CGNL1: variants seen among roughly 807,000 people sequenced by gnomAD.
CGNL1 encodes cingulin-like protein 1.
In CGNL1, 132 loss-of-function variants were observed where a neutral mutation model predicts 141.2. The ratio of observed to expected loss-of-function variants is 0.93; its 90% confidence interval spans 0.81 to 1.08. The LOEUF is 1.08. Among genes scored for constraint, CGNL1 ranks in the 50% least tolerant of loss-of-function variants. CGNL1 has a pLI of 0.00. For synonymous variants in CGNL1, 690 were observed against 622.1 expected, an observed-to-expected ratio of 1.11 and a Z score of -1.63; for missense variants, 1,870 against 1,588.6, an observed-to-expected ratio of 1.18 and a Z score of -3.01.
rs145322137 is a variant in CGNL1 at position 57,496,869 on chromosome 15, A to G, written c.2404-19911A>G. Among the ~76,000 whole-genome samples, 145 of 152,310 alleles carry G rather than the reference A, an allele frequency of 9.5e-4. 2 individuals carry two copies. In the East Asian group the frequency reaches 0.025, roughly 27 times the overall value. On this transcript the variant is annotated intron_variant, in intron 8 of 18. Transcript: ENST00000281282. ...CCATACATTCAAGACTTGGTAGCAC[A>G]GTGTCTGGCCACCAACAGATGGGTG... is the stretch of plus-strand genomic sequence containing the variant.
At chr15:57,429,334 G>C (rs2063016979) in intron 1 of CGNL1, among the ~76,000 whole-genome samples, 1 of 152,170 alleles carries the variant, frequency 6.6e-6, no homozygotes, top group South Asian at 2.1e-4. Flanking sequence ...TCATATGTCA[G>C]GGATGGCAAG....
intron 4 of CGNL1, among the ~76,000 whole-genome samples, chr15:57,450,026 C>T (rs2063302722): frequency 6.6e-6 from 1 of 152,206 alleles, no homozygotes; most frequent in Admixed American, 6.5e-5. Flanking sequence ...CGTTCACGTA[C>T]AGGTTTTTGT....
intron 12 of CGNL1, among the ~76,000 whole-genome samples, chr15:57,526,781 A>G (rs1020873044): frequency 6.6e-6 from 1 of 151,962 alleles, no homozygotes; most frequent in African/African-American, 2.4e-5. Context: ...CTCGTCAAGG[A>G]CTCTGAGTAT....
chr15:57,521,400 C>A (rs1365944203), intron 10 of CGNL1, among the ~76,000 whole-genome samples: 2 of 152,102 alleles, frequency 1.3e-5, no homozygotes, highest in Non-Finnish European at 2.9e-5. Context: ...AGTACAGACA[C>A]CCCATCCTTG....
At chr15:57,437,361 C>CT (rs1278894236) in intron 1 of CGNL1, among the ~76,000 whole-genome samples, 2 of 151,894 alleles carry the variant, frequency 1.3e-5, no homozygotes, top group African/African-American at 4.8e-5. Context: ...CAACTGATTC[C>CT]TTATGGTAAA....
intron 8 of CGNL1, among the ~76,000 whole-genome samples, chr15:57,463,457 C>A (rs1313726942): frequency 1.3e-5 from 2 of 152,196 alleles, no homozygotes; most frequent in African/African-American, 4.8e-5. Context: ...CCATATCAGT[C>A]TGTAAAAACG....
chr15:57,397,762 C>T (rs1305649505), intron 1 of CGNL1, among the ~76,000 whole-genome samples: 2 of 150,508 alleles, frequency 1.3e-5, no homozygotes, highest in Non-Finnish European at 1.5e-5. Context: ...TGAAGTGGAA[C>T]ACCTTGTACC....
chr15:57,469,299 G>A (rs185906067), intron 8 of CGNL1, among the ~76,000 whole-genome samples: 2 of 151,710 alleles, frequency 1.3e-5, no homozygotes, highest in Admixed American at 1.3e-4. Flanking sequence ...AAAGGCTAAT[G>A]AGTTCATCTT....
chr15:57,452,108 G>T, intron 5 of CGNL1, 33 bp from the exon 6 acceptor site: 1 of 1,600,970 alleles, frequency 6.2e-7, no homozygotes, highest in Non-Finnish European at 8.5e-7. Flanking sequence ...ATGTACAGTG[G>T]AGGCTCTTTA....
intron 8 of CGNL1, among the ~76,000 whole-genome samples, chr15:57,468,929 C>T (rs902451228): frequency 3.3e-5 from 5 of 152,196 alleles, no homozygotes; most frequent in African/African-American, 7.2e-5. Context: ...CCATCCAAGA[C>T]GGGACTTTTC....
intron 8 of CGNL1, among the ~76,000 whole-genome samples, chr15:57,495,057 T>A (rs2063918267): frequency 6.6e-6 from 1 of 152,216 alleles, no homozygotes; most frequent in Admixed American, 6.5e-5. Flanking sequence ...AAAATCTTTC[T>A]TTACATCCTT....
chr15:57,400,334 C>G (rs1490830026), intron 1 of CGNL1, among the ~76,000 whole-genome samples: 1 of 152,196 alleles, frequency 6.6e-6, no homozygotes, highest in Non-Finnish European at 1.5e-5. Flanking sequence ...TCTTCTGTCA[C>G]TTTCTGTAAC....
At chr15:57,397,656 A>G (rs2062616748) in intron 1 of CGNL1, among the ~76,000 whole-genome samples, 1 of 152,142 alleles carries the variant, frequency 6.6e-6, no homozygotes, top group Non-Finnish European at 1.5e-5. Flanking sequence ...ATTGTAGGGT[A>G]TAGATTATTT....
At chr15:57,499,333 G>T (rs1014468765) in intron 8 of CGNL1, among the ~76,000 whole-genome samples, 1 of 145,906 alleles carries the variant, frequency 6.9e-6, no homozygotes, top group Admixed American at 7.2e-5. Context: ...GCAACCTCTG[G>T]CTTCCAGGTT....
intron 1 of CGNL1, among the ~76,000 whole-genome samples, chr15:57,423,097 C>T (rs895484762): frequency 1.3e-5 from 2 of 152,058 alleles, no homozygotes; most frequent in Non-Finnish European, 2.9e-5. Flanking sequence ...ATGTTTTTGC[C>T]GGCATTCCCA....
intron 1 of CGNL1, chr15:57,402,809 A>T (rs2062674710): frequency 6.6e-6 from 1 of 152,140 alleles, no homozygotes; most frequent in African/African-American, 2.4e-5. Flanking sequence ...GCTTTAGATT[A>T]AGTTATTCAT....
In CGNL1 at chr15:57,516,930, A is replaced by T. The variant is rs2030855227; in HGVS notation, c.2554A>T (p.Ile852Phe). ...GAGAGTTGCTCAGCTTCAAAGGCAG[A>T]TCGAGGACCTGAAAGGCGATGAAGC... ...ERRVAQLQRQ[I>F]EDLKGDEAKA... Residue 852 changes from isoleucine to phenylalanine, a missense_variant, in exon 9 of 19, where the codon ATC becomes TTC. Ile to Phe is a conservative substitution (Grantham distance 21, BLOSUM62 0). Transcript: ENST00000281282. 2 of 1,614,096 alleles carry T rather than the reference A, an allele frequency of 1.2e-6. No individual in the cohort carries two copies. The highest frequency in any genetic ancestry group is 2.7e-5 in the African/African-American group (2 of 75,064).
At chr15:57,405,717 C>T (rs1185674079) in intron 1 of CGNL1, among the ~76,000 whole-genome samples, 1 of 150,062 alleles carries the variant, frequency 6.7e-6, no homozygotes, top group African/African-American at 2.5e-5. Context: ...TAGAAAAACT[C>T]GCAGAAGGTG....
chr15:57,398,653 A>G (rs2062628140), intron 1 of CGNL1, among the ~76,000 whole-genome samples: 1 of 152,202 alleles, frequency 6.6e-6, no homozygotes, highest in African/African-American at 2.4e-5. Flanking sequence ...ATAACTGAGC[A>G]TGTTGGAAAA....
Sources: gnomAD v4.1 joint callset for allele counts (sites outside exome capture counted in the v4.1 genomes callset) on GRCh38, gnomAD v4.1.1 for gene constraint, MANE v1.5 for transcripts, NCBI Gene and HGNC (gene_info 2026-07-23, HGNC 2026-07-21) for gene names.